GRM3: variants seen among roughly 807,000 people sequenced by gnomAD.
The protein encoded by GRM3 is glutamate metabotropic receptor 3.
A neutral mutation model predicts 70.5 loss-of-function variants in GRM3; 26 were observed. That is an observed-to-expected ratio of 0.37 (90% CI 0.27 to 0.51). The LOEUF is 0.51. Among genes scored for constraint, GRM3 ranks in the 20% least tolerant of loss-of-function variants. GRM3 has a pLI of 0.93. For missense variants in GRM3, 859 were observed against 1,123.8 expected, an observed-to-expected ratio of 0.76 and a Z score of 3.37; for synonymous variants, 443 against 434.9, an observed-to-expected ratio of 1.02 and a Z score of -0.23.
chr7:86,804,905 A>G (rs1797756085), intron 3 of GRM3, among the ~76,000 whole-genome samples: 2 of 152,308 alleles, frequency 1.3e-5, no homozygotes, highest in Admixed American at 6.5e-5. Context: ...TTAAGCCCAG[A>G]GTTCAAGACC....
In GRM3 at chr7:86,757,551, C is replaced by T. The variant is rs567684675; in HGVS notation, c.-140-7455C>T. Among the ~76,000 whole-genome samples the T allele has an allele frequency of 2.6e-5, 4 of 152,310 alleles. No individual in the cohort carries two copies. The East Asian group carries it at 7.7e-4, about 29-fold the overall frequency. ...GAACTCTAATACCTCTCGGATATGT[C>T]TGCCAGGCCTCACTGAGTCTCACCC... is the stretch of plus-strand genomic sequence containing the variant. On this transcript the variant is annotated intron_variant, in intron 1 of 5. Transcript: ENST00000361669.
intron 1 of GRM3, among the ~76,000 whole-genome samples, chr7:86,726,034 T>C (rs922518206): frequency 4.6e-5 from 7 of 152,254 alleles, no homozygotes; most frequent in African/African-American, 1.4e-4. Context: ...AGTTTTGGGG[T>C]CACAAACATT....
chr7:86,733,903 C>T (rs577156643), intron 1 of GRM3, among the ~76,000 whole-genome samples: 1 of 152,324 alleles, frequency 6.6e-6, no homozygotes, highest in South Asian at 2.1e-4. Context: ...TGTAAGTGAT[C>T]ATCTAATACT....
In GRM3 at chr7:86,693,113, G is replaced by A. The variant is rs546562591; in HGVS notation, c.-141+48241G>A. Among the ~76,000 whole-genome samples, 26 of 152,286 alleles carry A rather than the reference G, an allele frequency of 1.7e-4. 1 individual carries two copies. Among genetic ancestry groups the A allele is most frequent in the African/African-American group, 6.0e-4 (25 of 41,560 alleles). On this transcript the variant is annotated intron_variant, in intron 1 of 5. Transcript: ENST00000361669. Reference sequence around the variant, plus strand: ...ATTATAGAGGGTGAACACGGAATAAGGTTAATTGGAGGGCAGACCACTATC... The same window carrying A: ...ATTATAGAGGGTGAACACGGAATAAAGTTAATTGGAGGGCAGACCACTATC...
At chr7:86,733,719 A>T (rs1795791711) in intron 1 of GRM3, among the ~76,000 whole-genome samples, 3 of 152,080 alleles carry the variant, frequency 2.0e-5, no homozygotes, top group African/African-American at 7.2e-5. Context: ...AGCTGGAAAA[A>T]CACTCGAAGA....
At chr7:86,856,076 A>C (rs1798839782) in intron 5 of GRM3, among the ~76,000 whole-genome samples, 1 of 152,206 alleles carries the variant, frequency 6.6e-6, no homozygotes, top group Admixed American at 6.5e-5. Flanking sequence ...AAGTCAAGCC[A>C]GCTGCTTTCA....
chr7:86,744,332 C>G (rs13246383), intron 1 of GRM3, among the ~76,000 whole-genome samples: 4 of 151,858 alleles, frequency 2.6e-5, no homozygotes, highest in Admixed American at 6.6e-5. Context: ...CCGCAATTAT[C>G]TTAAGGGGTC....
chr7:86,691,557 T>A (rs1794697449), intron 1 of GRM3, among the ~76,000 whole-genome samples: 2 of 152,290 alleles, frequency 1.3e-5, no homozygotes, highest in South Asian at 4.1e-4. Context: ...GTTGCATATG[T>A]CCCTCAAAAC....
chr7:86,826,149 G>C (rs78395898), intron 3 of GRM3, among the ~76,000 whole-genome samples: 3,904 of 152,276 alleles, frequency 0.026, 150 homozygotes, highest in African/African-American at 0.088. Flanking sequence ...TTGGTCATCA[G>C]AATTCACAAT....
At chr7:86,735,634 TATAA>T (rs1007208232) in intron 1 of GRM3, among the ~76,000 whole-genome samples, 53 of 152,164 alleles carry the variant, frequency 3.5e-4, no homozygotes, top group African/African-American at 1.2e-3. Context: ...GTCCTAAACT[TATAA>T]ATAATAAAAC....
chr7:86,835,897 C>T (rs937105386), intron 3 of GRM3, among the ~76,000 whole-genome samples: 2 of 152,144 alleles, frequency 1.3e-5, no homozygotes, highest in African/African-American at 2.4e-5. Flanking sequence ...CAGATATGAG[C>T]CATCACACCT....
rs182231656 is a variant in GRM3 at position 86,808,492 on chromosome 7, T to C, written c.1324+21376T>C. 6.6e-4 allele frequency among the ~76,000 whole-genome samples: 100 copies of C among 151,828 alleles called. 1 individual carries two copies. The East Asian group carries it at 0.011, about 17-fold the overall frequency. On this transcript the variant is annotated intron_variant, in intron 3 of 5. Coordinates refer to ENST00000361669, the MANE Select transcript of GRM3 (RefSeq NM_000840.3). ...CCACCCTCTTCTGTAGCTTTTTTTT[T>C]CCCCCACAAATAAGCTAGTACAGAT...
rs538351670 is a variant in GRM3 at position 86,676,359 on chromosome 7, A to G, written c.-141+31487A>G. ...CAATAAAAGTGTAAGACTGAATACC[A>G]TGAAAAACAATTCCTATACTAACAA... is the stretch of plus-strand genomic sequence containing the variant. On this transcript the variant is annotated intron_variant, in intron 1 of 5. Transcript: ENST00000361669. Among the ~76,000 whole-genome samples the G allele has an allele frequency of 2.0e-4, 31 of 152,134 alleles. No homozygotes were observed. In the East Asian group the frequency reaches 5.8e-3, roughly 28 times the overall value.
At chr7:86,862,655 C>T (rs926835589) in intron 5 of GRM3, among the ~76,000 whole-genome samples, 3 of 152,074 alleles carry the variant, frequency 2.0e-5, no homozygotes, top group African/African-American at 7.2e-5. Flanking sequence ...GAGGTAGCCA[C>T]ACAAACTTGA....
At chr7:86,864,015 A>AT (rs887447126) in intron 5 of GRM3, among the ~76,000 whole-genome samples, 2 of 149,780 alleles carry the variant, frequency 1.3e-5, no homozygotes, top group African/African-American at 2.5e-5. Context: ...ATTTAATTTT[A>AT]TTTTTTTTCA....
At chr7:86,842,720 A>G (rs1036695980) in intron 4 of GRM3, among the ~76,000 whole-genome samples, 4 of 152,232 alleles carry the variant, frequency 2.6e-5, no homozygotes, top group African/African-American at 7.2e-5. Context: ...GCATGATTCC[A>G]GTCTTCACAA....
chr7:86,774,264 G>A (rs1796825719), intron 2 of GRM3, among the ~76,000 whole-genome samples: 1 of 152,080 alleles, frequency 6.6e-6, no homozygotes, highest in South Asian at 2.1e-4. Context: ...TAATGTAGTA[G>A]AGGTGCTTCT....
chr7:86,761,998 G>T lies in GRM3; in HGVS notation c.-140-3008G>T, dbSNP rs544436746. Among the ~76,000 whole-genome samples the T allele has an allele frequency of 9.2e-5, 14 of 152,162 alleles. 1 individual carries two copies. The highest frequency in any genetic ancestry group is 3.4e-4 in the African/African-American group (14 of 41,540). On this transcript the variant is annotated intron_variant, in intron 1 of 5. Coordinates refer to ENST00000361669, the MANE Select transcript of GRM3 (RefSeq NM_000840.3). ...GTCTACACTTTTTGCAAAGACACAT[G>T]GTCAGCCTGTGTTGATGGCCTTCTT...
intron 1 of GRM3, among the ~76,000 whole-genome samples, chr7:86,691,479 T>C (rs1286799441): frequency 6.6e-6 from 1 of 152,184 alleles, no homozygotes; most frequent in Middle Eastern, 3.2e-3. Context: ...TAAAGCTAGT[T>C]CAAAGGATAA....
Sources: gnomAD v4.1 joint callset for allele counts (sites outside exome capture counted in the v4.1 genomes callset) on GRCh38, gnomAD v4.1.1 for gene constraint, MANE v1.5 for transcripts, NCBI Gene and HGNC (gene_info 2026-07-23, HGNC 2026-07-21) for gene names.